Variants in SPAG16 observed in about 807,000 individuals in gnomAD.
The protein encoded by SPAG16 is sperm associated antigen 16.
In SPAG16, 86 loss-of-function variants were observed where a neutral mutation model predicts 80.4. That is an observed-to-expected ratio of 1.07 (90% CI 0.90 to 1.28). The LOEUF (loss-of-function observed/expected upper bound fraction) is 1.28, where lower values mean the gene tolerates loss of function less well. Ranked by LOEUF, SPAG16 falls within the 50% of genes most tolerant of loss-of-function variation. The pLI, the probability that SPAG16 is intolerant of heterozygous loss-of-function variation, is 0.00. For synonymous variants in SPAG16, 294 were observed against 265.9 expected (o/e 1.11, Z -1.03); for missense variants, 870 against 765.3 (o/e 1.14, Z -1.61).
At chr2:214,325,681 G>C (rs1681301892) in intron 15 of SPAG16, among the ~76,000 whole-genome samples, 1 of 150,874 alleles carries the variant, frequency 6.6e-6, no homozygotes, top group Non-Finnish European at 1.5e-5. Context: ...TCTGATTAAA[G>C]CTTCTTTAAA....
intron 13 of SPAG16, among the ~76,000 whole-genome samples, chr2:214,048,167 A>G (rs1352603385): frequency 6.6e-6 from 1 of 152,188 alleles, no homozygotes; most frequent in Non-Finnish European, 1.5e-5. Context: ...GAGCTATCAT[A>G]AGATCTAGCA....
chr2:213,497,623 A>G, intron 10 of SPAG16, among the ~76,000 whole-genome samples: 1 of 152,016 alleles, frequency 6.6e-6, no homozygotes, highest in South Asian at 2.1e-4. Flanking sequence ...ATCTAGATCT[A>G]TATTAATAAC....
intron 15 of SPAG16, among the ~76,000 whole-genome samples, chr2:214,234,447 C>T (rs1320572748): frequency 6.6e-6 from 1 of 152,116 alleles, no homozygotes; most frequent in African/African-American, 2.4e-5. Context: ...GGTTCTAGGT[C>T]TTTGAGGAAT....
intron 15 of SPAG16, among the ~76,000 whole-genome samples, chr2:214,223,882 T>C (rs928757937): frequency 3.3e-5 from 5 of 152,174 alleles, no homozygotes; most frequent in Non-Finnish European, 4.4e-5. Context: ...GTTTCAGTTA[T>C]GAGGCATTGA....
chr2:213,911,622 T>A (rs1023424279), intron 11 of SPAG16, among the ~76,000 whole-genome samples: 1 of 152,182 alleles, frequency 6.6e-6, no homozygotes, highest in African/African-American at 2.4e-5. Flanking sequence ...TGATGATTAT[T>A]TGTATATTTT....
chr2:213,312,085 C>T (rs2063212726), intron 4 of SPAG16, among the ~76,000 whole-genome samples: 1 of 151,616 alleles, frequency 6.6e-6, no homozygotes, highest in African/African-American at 2.4e-5. Flanking sequence ...TATAACCTTT[C>T]TTTAGGTATT....
intron 9 of SPAG16, among the ~76,000 whole-genome samples, chr2:213,447,639 G>A (rs1257167886): frequency 3.3e-5 from 5 of 152,158 alleles, no homozygotes; most frequent in African/African-American, 1.2e-4. Flanking sequence ...CTCTCCCTCA[G>A]TATCAATGTA....
At chr2:214,005,585 A>G (rs1340583679) in intron 12 of SPAG16, among the ~76,000 whole-genome samples, 2 of 152,208 alleles carry the variant, frequency 1.3e-5, no homozygotes, top group Non-Finnish European at 2.9e-5. Context: ...CTTATGGTAG[A>G]GCTTGCGGCA....
At chr2:214,026,506 G>A (rs894718097) in intron 13 of SPAG16, among the ~76,000 whole-genome samples, 3 of 151,486 alleles carry the variant, frequency 2.0e-5, no homozygotes, top group African/African-American at 4.8e-5. Flanking sequence ...ATGGACACAC[G>A]TATAAGGATA....
intron 10 of SPAG16, among the ~76,000 whole-genome samples, chr2:213,652,491 C>G: frequency 6.6e-6 from 1 of 151,974 alleles, no homozygotes; most frequent in Non-Finnish European, 1.5e-5. Flanking sequence ...ATTATTGTGT[C>G]TTTTTTTATA....
intron 12 of SPAG16, among the ~76,000 whole-genome samples, chr2:213,972,692 A>T (rs1021125535): frequency 2.0e-5 from 3 of 152,202 alleles, no homozygotes; most frequent in African/African-American, 7.2e-5. Context: ...AATGCAGTCA[A>T]GTTTACACTT....
At chr2:213,290,614 A>T (rs559989816) in intron 1 of SPAG16, among the ~76,000 whole-genome samples, 79 of 152,340 alleles carry the variant, frequency 5.2e-4, no homozygotes, top group Non-Finnish European at 9.7e-4. Context: ...CTTGACATTA[A>T]GAAACTGGAT....
chr2:214,397,581 C>T (rs1400881560), intron 15 of SPAG16, among the ~76,000 whole-genome samples: 8 of 152,136 alleles, frequency 5.3e-5, no homozygotes, highest in Admixed American at 2.6e-4. Context: ...GGAGTTTTTG[C>T]ATTTAATAGC....
At chr2:213,599,120 T>G (rs531486970) in intron 10 of SPAG16, among the ~76,000 whole-genome samples, 1 of 152,312 alleles carries the variant, frequency 6.6e-6, no homozygotes, top group East Asian at 1.9e-4. Flanking sequence ...TTTAAAGACT[T>G]GAAAAACAAA....
chr2:213,944,952 C>G (rs1055193704), intron 12 of SPAG16, among the ~76,000 whole-genome samples: 3 of 152,048 alleles, frequency 2.0e-5, no homozygotes, highest in Non-Finnish European at 4.4e-5. Flanking sequence ...GCAAGAGAAT[C>G]GCTTGAACCC....
At chr2:213,566,851 G>T (rs1470211536) in intron 10 of SPAG16, among the ~76,000 whole-genome samples, 1 of 151,984 alleles carries the variant, frequency 6.6e-6, no homozygotes, top group Non-Finnish European at 1.5e-5. Context: ...ATAGTTAATG[G>T]TACACACTGT....
chr2:214,209,667 T>C (rs1285190286), intron 15 of SPAG16, among the ~76,000 whole-genome samples: 1 of 152,152 alleles, frequency 6.6e-6, no homozygotes, highest in Admixed American at 6.6e-5. Context: ...TTGTTACCAA[T>C]TTGACTAGTG....
intron 11 of SPAG16, among the ~76,000 whole-genome samples, chr2:213,886,063 A>G (rs1416926444): frequency 1.3e-5 from 2 of 152,140 alleles, no homozygotes; most frequent in African/African-American, 2.4e-5. Context: ...TTTTCTAAGT[A>G]GGGAAACCCA....
chr2:214,057,081 A>G (rs986592432), intron 13 of SPAG16, among the ~76,000 whole-genome samples: 9 of 152,146 alleles, frequency 5.9e-5, no homozygotes, highest in Non-Finnish European at 1.3e-4. Context: ...ACATCCATGA[A>G]AGTTGGAATA....
Sources: gnomAD v4.1 joint callset for allele counts (sites outside exome capture counted in the v4.1 genomes callset) on GRCh38, gnomAD v4.1.1 for gene constraint, MANE v1.5 for transcripts, NCBI Gene and HGNC (gene_info 2026-07-23, HGNC 2026-07-21) for gene names.